CACNA1B: variants seen among roughly 807,000 people sequenced by gnomAD.
CACNA1B encodes the protein calcium voltage-gated channel subunit alpha1 B, also known as voltage-dependent N-type calcium channel subunit alpha-1B.
A neutral mutation model predicts 247.2 loss-of-function variants in CACNA1B; 70 were observed. The observed-to-expected ratio is 0.28, with a 90% CI of 0.23 to 0.35. The LOEUF (loss-of-function observed/expected upper bound fraction) is 0.35, where lower values mean the gene tolerates loss of function less well. Among genes scored for constraint, CACNA1B ranks in the 10% least tolerant of loss-of-function variants. The pLI is 1.00. For missense variants in CACNA1B, 2,367 were observed against 3,197.4 expected, an observed-to-expected ratio of 0.74 and a Z score of 6.26; for synonymous variants, 1,231 against 1,294.4, an observed-to-expected ratio of 0.95 and a Z score of 1.05.
Position 138,073,678 on chromosome 9 carries a change from G to A in CACNA1B, c.4791+74G>A. The A allele has an allele frequency of 1.1e-6, 1 of 886,972 alleles. No individual in the cohort carries two copies. Among genetic ancestry groups the A allele is most frequent in the Admixed American group, 1.8e-5 (1 of 56,366 alleles). 54.9% of individuals were successfully genotyped at this position (886,972 alleles called of 1,614,324 possible). A position where few individuals can be genotyped will look rare whatever the true frequency, so the allele number is the denominator to read the frequency against. On this transcript the variant is annotated intron_variant, in intron 33 of 46. Transcript: ENST00000371372. This position sits in a 1 kb window ranked among gnomAD's most constrained non-coding sequence, Gnocchi z 6.4. Reference sequence around the variant, plus strand: ...TGCTTCCCCTGCCCCCACCACAGTGGCCCCTCCTTTGGGAGGCTGGGAGAG... The same window carrying A: ...TGCTTCCCCTGCCCCCACCACAGTGACCCCTCCTTTGGGAGGCTGGGAGAG...
At chr9:137,932,551 C>G (rs998252462) in intron 6 of CACNA1B, among the ~76,000 whole-genome samples, 1 of 152,196 alleles carries the variant, frequency 6.6e-6, no homozygotes, top group Admixed American at 6.5e-5. Flanking sequence ...TGGTTAAAGG[C>G]TGGAAAGGAT....
At position 138,023,770 on chromosome 9, in the gene CACNA1B, G is replaced by A. The variant is rs1287095565; in HGVS notation, c.3027G>A (p.Val1009=). The change falls in exon 19 of 47, where the codon GTG becomes GTA. Residue 1009 remains valine (V), a synonymous_variant. Coordinates refer to ENST00000371372, the MANE Select transcript of CACNA1B (RefSeq NM_000718.4). ...CCACGGAGAAGGAGGCTGAGATAGTGGAAGCCGACAAGGAAAAGGAGCTCC... is the reference window on the plus strand; with the variant it reads ...CCACGGAGAAGGAGGCTGAGATAGTAGAAGCCGACAAGGAAAAGGAGCTCC... ...KEATEKEAEI[V]EADKEKELRN... 9 of 1,511,306 alleles carry A rather than the reference G, an allele frequency of 6.0e-6. No homozygotes were observed. The highest frequency in any genetic ancestry group is 8.1e-6 in the Non-Finnish European group (9 of 1,112,924). The allele number at this position is 1,511,306 out of a possible 1,614,324, so 93.6% of individuals were successfully genotyped here.
At chr9:137,972,096 G>A (rs186986697) in intron 11 of CACNA1B, among the ~76,000 whole-genome samples, 1 of 148,768 alleles carries the variant, frequency 6.7e-6, no homozygotes, top group East Asian at 1.9e-4. Context: ...TTTACAATTG[G>A]CTAAATCTGG....
intron 39 of CACNA1B, among the ~76,000 whole-genome samples, chr9:138,108,369 A>G (rs1314873870): frequency 6.6e-6 from 1 of 151,704 alleles, no homozygotes; most frequent in Non-Finnish European, 1.5e-5. Context: ...AAATAAATTA[A>G]GTTTAGAGTG....
At chr9:137,916,770 G>C (rs756424292) in intron 5 of CACNA1B, among the ~76,000 whole-genome samples, 1 of 152,034 alleles carries the variant, frequency 6.6e-6, no homozygotes, top group Non-Finnish European at 1.5e-5. Context: ...TGAGGGAGAG[G>C]AACGGTCCTC....
rs552986080 is a variant in CACNA1B at position 138,011,508 on chromosome 9, C to T, written c.2160+1431C>T. ...GTTTATGACTCGACCATCCCCTTCC[C>T]TTATATTCCCATAATATTCCCACAA... On this transcript the variant is annotated intron_variant, in intron 17 of 46. Coordinates refer to ENST00000371372, the MANE Select transcript of CACNA1B (RefSeq NM_000718.4). This position sits in a 1 kb window ranked among gnomAD's most constrained non-coding sequence, Gnocchi z 4.2. 6.6e-6 allele frequency among the ~76,000 whole-genome samples: 1 copy of T among 152,328 alleles called. No homozygotes were observed. The highest frequency in any genetic ancestry group is 2.1e-4 in the South Asian group (1 of 4,828).
Position 138,096,573 on chromosome 9 carries a change from G to A in CACNA1B, c.5184G>A (p.Glu1728=), listed in dbSNP as rs1251525809. 1 of 1,613,134 alleles carries A rather than the reference G, an allele frequency of 6.2e-7. No homozygotes were observed. The highest frequency in any genetic ancestry group is 1.7e-5 in the Admixed American group (1 of 59,942). Residue 1728 remains glutamate, a synonymous_variant, in exon 37 of 47, where the codon GAG becomes GAA. Transcript: ENST00000371372. The part of the protein sequence containing the change: ...SSILGPHHLD[E]FIRVWAEYDP... ...TCCTAGGTCCTCACCACTTGGATGA[G>A]TTCATCCGGGTCTGGGCTGAATACG...
chr9:138,034,278 A>G (rs906015340), intron 20 of CACNA1B, among the ~76,000 whole-genome samples: 2 of 151,828 alleles, frequency 1.3e-5, no homozygotes, highest in Non-Finnish European at 2.9e-5. Context: ...TGTGATCTCT[A>G]CTGGCATTGT....
chr9:138,102,672 AC>A lies in CACNA1B; in HGVS notation c.5223-35del. Reference sequence around the variant, plus strand: ...CCTGCTGCCGCTCCTCCTGTGGACCACCCCACTGTGCCCTGGCCTCGCTGGG... The same window carrying A: ...CCTGCTGCCGCTCCTCCTGTGGACCACCCACTGTGCCCTGGCCTCGCTGGG... On this transcript the variant is annotated intron_variant, in intron 37 of 46. Transcript: ENST00000371372. This position sits in a 1 kb window ranked among gnomAD's most constrained non-coding sequence, Gnocchi z 5.4. The A allele has an allele frequency of 2.3e-6, 3 of 1,280,540 alleles. No individual in the cohort carries two copies. Among genetic ancestry groups the A allele is most frequent in the Non-Finnish European group, 3.4e-6 (3 of 895,184 alleles). The allele number at this position is 1,280,540 out of a possible 1,614,324, so 79.3% of individuals were successfully genotyped here.
In CACNA1B at chr9:138,059,172, A is replaced by G. The variant is rs922755078; in HGVS notation, c.4567A>G (p.Ile1523Val). The G allele has an allele frequency of 1.2e-6, 2 of 1,609,038 alleles. No homozygotes were observed. Among genetic ancestry groups the G allele is most frequent in the African/African-American group, 2.7e-5 (2 of 74,968 alleles). The change falls in exon 30 of 47, where the codon ATC (isoleucine) becomes GTC (valine). Residue 1523 changes from isoleucine to valine, a missense_variant. Physicochemically the swap from Ile to Val is conservative, Grantham distance 29 (BLOSUM62 3). Coordinates refer to ENST00000371372, the MANE Select transcript of CACNA1B (RefSeq NM_000718.4). The surrounding 1 kb of genome is among the most constrained non-coding windows in gnomAD (Gnocchi z 4.2). ...CTCCATGGAATGCGTGCTGAAGATC[A>G]TCGCCTTTGGGGTGCTGGTACGTGC... The part of the protein sequence containing the change: ...MFSMECVLKI[I>V]AFGVLNYFRD...
rs541151277 is a variant in CACNA1B, at chr9:138,030,298, A to G, written c.3286+5126A>G. Among the ~76,000 whole-genome samples, 10 of 151,076 alleles carry G rather than the reference A, an allele frequency of 6.6e-5. No individual in the cohort carries two copies. In the East Asian group the frequency reaches 1.9e-3, roughly 29 times the overall value. On this transcript the variant is annotated intron_variant, in intron 20 of 46. Transcript: ENST00000371372. Reference sequence around the variant, plus strand: ...CGTTCATTGCTTTTTTTTTTAAAGAATTTTTGTGGTGAGTGGATGAATATT... The same window carrying G: ...CGTTCATTGCTTTTTTTTTTAAAGAGTTTTTGTGGTGAGTGGATGAATATT...
Position 137,913,139 on chromosome 9 carries a change from G to A in CACNA1B, c.531-41G>A, listed in dbSNP as rs373956316. ...GAGTGTGTCCTCTTCCAGGCTCAAT[G>A]TGGAAACCTTTACTTCCCTTCTTCT... On this transcript the variant is annotated intron_variant, in intron 3 of 46. Transcript: ENST00000371372. The surrounding 1 kb of genome is among the most constrained non-coding windows in gnomAD (Gnocchi z 5.2). 2.0e-6 allele frequency: 3 copies of A among 1,537,244 alleles called. No individual in the cohort carries two copies. The highest frequency in any genetic ancestry group is 2.7e-5 in the African/African-American group (2 of 73,324).
intron 6 of CACNA1B, among the ~76,000 whole-genome samples, chr9:137,925,100 GC>G (rs1168015336): frequency 6.6e-6 from 1 of 152,232 alleles, no homozygotes; most frequent in Non-Finnish European, 1.5e-5. Context: ...GGAAAACCTG[GC>G]CAAGGGTAGC....
chr9:138,075,806 T>A lies in CACNA1B; in HGVS notation c.4858-13T>A. On this transcript the variant is annotated splice_polypyrimidine_tract_variant and intron_variant, in intron 34 of 46. Transcript: ENST00000371372. ...CCCAGCAGGGTCCGTGCCATTGCTCTTCTCCATTGCAGGTGTTTGGGAATA... is the reference window on the plus strand; with the variant it reads ...CCCAGCAGGGTCCGTGCCATTGCTCATCTCCATTGCAGGTGTTTGGGAATA... 1 of 1,578,688 alleles carries A rather than the reference T, an allele frequency of 6.3e-7. No homozygotes were observed. The highest frequency in any genetic ancestry group is 8.7e-7 in the Non-Finnish European group (1 of 1,151,058).
At chr9:137,915,390 A>G (rs1003193974) in intron 5 of CACNA1B, among the ~76,000 whole-genome samples, 32 of 152,282 alleles carry the variant, frequency 2.1e-4, no homozygotes, top group African/African-American at 7.2e-4. Context: ...GGGTGTTGTG[A>G]TAGAGGTGGT....
chr9:138,061,525 G>T (rs558192587), intron 31 of CACNA1B, among the ~76,000 whole-genome samples: 1 of 152,142 alleles, frequency 6.6e-6, no homozygotes, highest in Non-Finnish European at 1.5e-5. Context: ...TCACCAAGCC[G>T]GCATTTTATC....
rs574336681 is a variant in CACNA1B at position 138,047,441 on chromosome 9, T to A, written c.3586T>A (p.Phe1196Ile). Residue 1196 changes from phenylalanine to isoleucine, a missense_variant, in exon 23 of 47, where the codon TTT becomes ATT. Phe to Ile is a conservative substitution (Grantham distance 21). Transcript: ENST00000371372. ...TTACATTTTCACTGGTGTCTTTACC[T>A]TTGAGATGGTGATAAAGGTGAGATA... ...LDYIFTGVFTFEMVIKMIDLG... is the reference protein window; with the variant it reads ...LDYIFTGVFTIEMVIKMIDLG... 1.9e-6 allele frequency: 3 copies of A among 1,611,360 alleles called. No homozygotes were observed. The highest frequency in any genetic ancestry group is 2.5e-6 in the Non-Finnish European group (3 of 1,177,484).
In CACNA1B at chr9:138,115,567, C is replaced by T; in HGVS notation, c.5665C>T (p.Leu1889=). The T allele has an allele frequency of 6.2e-7, 1 of 1,613,540 alleles. No homozygotes were observed. Reference sequence around the variant, plus strand: ...TCCTTTGCAGATGGGTCCTGTGTCCCTGTTCCACCCTCTGAAGGCCACCCT... The same window carrying T: ...TCCTTTGCAGATGGGTCCTGTGTCCTTGTTCCACCCTCTGAAGGCCACCCT... ...GGLSQMGPVS[L]FHPLKATLEQ... The change falls in exon 42 of 47, where the codon CTG becomes TTG. Residue 1889 remains leucine, a synonymous_variant. Transcript: ENST00000371372.
chr9:137,928,406 T>C (rs1332909456), intron 6 of CACNA1B, among the ~76,000 whole-genome samples: 1 of 152,170 alleles, frequency 6.6e-6, no homozygotes, highest in Non-Finnish European at 1.5e-5. Context: ...CCTATGATTT[T>C]CCTTTTTTTG....
Sources: allele counts gnomAD v4.1 joint callset (sites outside exome capture counted in the v4.1 genomes callset), GRCh38; gene constraint gnomAD v4.1.1; non-coding constraint Gnocchi (gnomAD v3.1); transcripts MANE v1.5; gene names NCBI Gene and HGNC (gene_info 2026-07-23, HGNC 2026-07-21).